Variants in DZIP1L observed in about 807,000 individuals in gnomAD.
The protein encoded by DZIP1L is cilium assembly protein DZIP1L.
Under a neutral mutation model 88.7 loss-of-function variants are expected in DZIP1L, and 90 were observed. That is an observed-to-expected ratio of 1.02 (90% confidence interval 0.86 to 1.21). The LOEUF is 1.21. Among genes scored for constraint, DZIP1L ranks in the 50% most tolerant of loss-of-function variants. The probability of loss-of-function intolerance (pLI) is 0.00; values close to 1 mark genes in which losing one functional copy is unlikely to be tolerated. For synonymous variants in DZIP1L, 363 were observed against 372.1 expected (o/e 0.98, Z 0.28); for missense variants, 932 against 955.8 (o/e 0.98, Z 0.33).
Position 138,079,710 on chromosome 3 carries a change from C to A in DZIP1L, c.1288+857G>T, listed in dbSNP as rs569671806. The stretch of plus-strand genomic sequence containing the variant: ...GCTTCTCACTGCATACCCTTTTATA[C>A]CATTCCTTTTTTTTTCCAAAGTGCA... On this transcript the variant is annotated intron_variant, in intron 10 of 15. Transcript: ENST00000327532. Among the ~76,000 whole-genome samples the A allele has an allele frequency of 2.6e-5, 4 of 152,158 alleles. No individual in the cohort carries two copies. The South Asian group carries it at 8.3e-4, about 32-fold the overall frequency.
At position 138,062,825 on chromosome 3, in the gene DZIP1L, A is replaced by T; in HGVS notation, c.2295T>A (p.Pro765=). ...GPQSSGQPRV[P]AW The stretch of plus-strand genomic sequence containing the variant: ...TAGCTTCTGGGGTGAATCACCAGGC[A>T]GGGACCCTGGGTTGGCCAGAGCTCT... The change falls in exon 16 of 16, where the codon CCT becomes CCA. Residue 765 remains proline (P), a synonymous_variant. Transcript: ENST00000327532. 1.2e-6 allele frequency: 2 copies of T among 1,613,998 alleles called. No homozygotes were observed. Among genetic ancestry groups the T allele is most frequent in the South Asian group, 1.1e-5 (1 of 91,080 alleles).
rs1360295989 is a variant in DZIP1L at position 138,071,826 on chromosome 3, C to T, written c.1432G>A (p.Gly478Arg). The T allele has an allele frequency of 5.0e-6, 8 of 1,612,672 alleles. No homozygotes were observed. The East Asian group carries it at 1.1e-4, about 22-fold the overall frequency. The change falls in exon 12 of 16, where the codon GGA (glycine) becomes AGA (arginine). Residue 478 changes from glycine (G) to arginine (R), a missense_variant. Transcript: ENST00000327532. ...ESMGIRKDAK[G>R]ISIQTLRHLE... ...TGTCTGAGAGTCTGAATCGAGATTC[C>T]CTTTGCATCCTAGAGGAGACAGGAG... is the stretch of plus-strand genomic sequence containing the variant.
At chr3:138,068,964 A>G (rs1943047028) in intron 12 of DZIP1L, 1 of 1,266,682 alleles carries the variant, frequency 7.9e-7, no homozygotes, top group Non-Finnish European at 9.9e-7. Flanking sequence ...CATCACAGGG[A>G]GTCAGACATG....
chr3:138,077,645 A>T lies in DZIP1L; in HGVS notation c.1289-13T>A. 6.2e-7 allele frequency: 1 copy of T among 1,613,660 alleles called. No homozygotes were observed. Among genetic ancestry groups the T allele is most frequent in the South Asian group, 1.1e-5 (1 of 91,064 alleles). ...GAGTCCTCCATCTCTGTAGCATGAG[A>T]CATTCACCCAGATCAGCCTGGGCAC... On this transcript the variant is annotated splice_polypyrimidine_tract_variant and intron_variant, in intron 10 of 15. Coordinates refer to ENST00000327532, the MANE Select transcript of DZIP1L (RefSeq NM_173543.3).
At chr3:138,096,177 G>C (rs1020629513) in intron 3 of DZIP1L, among the ~76,000 whole-genome samples, 1 of 152,084 alleles carries the variant, frequency 6.6e-6, no homozygotes, top group African/African-American at 2.4e-5. Context: ...AGGAGAGCTG[G>C]GCATCTGGGA....
At chr3:138,083,753 T>G (rs1409901224) in intron 8 of DZIP1L, among the ~76,000 whole-genome samples, 3 of 152,224 alleles carry the variant, frequency 2.0e-5, no homozygotes, top group African/African-American at 7.2e-5. Context: ...CTCCAGCTTA[T>G]TTCACCATCT....
In DZIP1L at chr3:138,062,704, T is replaced by A; in HGVS notation, c.*112A>T. 8.2e-7 allele frequency: 1 copy of A among 1,224,132 alleles called. No homozygotes were observed. The highest frequency in any genetic ancestry group is 2.8e-4 in the Middle Eastern group (1 of 3,538). 75.8% of individuals were successfully genotyped at this position (1,224,132 alleles called of 1,614,324 possible). On this transcript the variant is annotated 3_prime_UTR_variant, in exon 16 of 16. Transcript: ENST00000327532. ...CCTGCACTGCTTCTCTCCAAGAGGATGATCTCTTGGTTGTTTGTGAAGACA... is the reference window on the plus strand; with the variant it reads ...CCTGCACTGCTTCTCTCCAAGAGGAAGATCTCTTGGTTGTTTGTGAAGACA...
intron 2 of DZIP1L, chr3:138,102,293 T>C (rs1355199919): frequency 1.1e-5 from 15 of 1,420,128 alleles, no homozygotes; most frequent in Non-Finnish European, 1.5e-5. Context: ...ACTCCAGCTC[T>C]ACCTTATTCA....
At position 138,063,104 on chromosome 3, in the gene DZIP1L, A is replaced by G; in HGVS notation, c.2143-127T>C. The stretch of plus-strand genomic sequence containing the variant: ...ACAAATGCAGACTGGGAAGAAAGCA[A>G]TAGGGAGATGCTACTCCTCCTGACT... On this transcript the variant is annotated intron_variant, in intron 15 of 15. Transcript: ENST00000327532. This position sits in a 1 kb window ranked among gnomAD's most constrained non-coding sequence, Gnocchi z 4.1. 1.1e-5 allele frequency: 11 copies of G among 1,030,840 alleles called. No homozygotes were observed. In the South Asian group the frequency reaches 1.6e-4, roughly 15 times the overall value. 63.9% of individuals were successfully genotyped at this position (1,030,840 alleles called of 1,614,324 possible).
intron 9 of DZIP1L, among the ~76,000 whole-genome samples, chr3:138,080,906 T>G (rs1466830141): frequency 6.6e-6 from 1 of 152,134 alleles, no homozygotes. Context: ...TAGTGAGCCA[T>G]GTAATGAGAT....
chr3:138,067,814 C>CT (rs1942980705), intron 13 of DZIP1L, 114 bp from the exon 14 acceptor site: 3 of 1,238,598 alleles, frequency 2.4e-6, no homozygotes, highest in South Asian at 3.7e-5. Context: ...GCCCTGCTCC[C>CT]TCCCTCAGGC....
rs1328592174 is a variant in DZIP1L, at chr3:138,104,028, G to A, written c.-57C>T. 1.9e-6 allele frequency: 3 copies of A among 1,550,952 alleles called. No homozygotes were observed. The highest frequency in any genetic ancestry group is 2.6e-6 in the Non-Finnish European group (3 of 1,158,820). ...GGAGGGGGGCACCAAGGCCACGGCA[G>A]TAGGCCAAGGAGCTGAGAGAAGGCC... On this transcript the variant is annotated 5_prime_UTR_variant, in exon 2 of 16. Transcript: ENST00000327532.
rs752183027 is a variant in DZIP1L, at chr3:138,097,899, C to A, written c.502-52G>T. 92 of 1,522,240 alleles carry A rather than the reference C, an allele frequency of 6.0e-5. No individual in the cohort carries two copies. In the Admixed American group the frequency reaches 1.6e-3, roughly 27 times the overall value. The allele number at this position is 1,522,240 out of a possible 1,614,324, so 94.3% of individuals were successfully genotyped here. ...TACAAGATTAGGTCACCTGAGTCAG[C>A]CTGGGATTTTCCCTATATCAAAGCC... On this transcript the variant is annotated intron_variant, in intron 2 of 15. Coordinates refer to ENST00000327532, the MANE Select transcript of DZIP1L (RefSeq NM_173543.3).
chr3:138,081,852 G>A (rs1042371472), intron 8 of DZIP1L, 88 bp from the exon 9 acceptor site: 6 of 1,398,210 alleles, frequency 4.3e-6, no homozygotes, highest in South Asian at 2.6e-5. Context: ...AGCACAGTGA[G>A]GAAGGGATGG....
intron 5 of DZIP1L, among the ~76,000 whole-genome samples, chr3:138,089,434 A>G (rs1457940447): frequency 6.6e-6 from 1 of 152,216 alleles, no homozygotes; most frequent in Non-Finnish European, 1.5e-5. Context: ...CTCCCTTGGC[A>G]TCTCAATTTA....
At chr3:138,100,677 A>C (rs889688958) in intron 2 of DZIP1L, among the ~76,000 whole-genome samples, 1 of 152,232 alleles carries the variant, frequency 6.6e-6, no homozygotes, top group African/African-American at 2.4e-5. Context: ...GGTTGGTGTG[A>C]GGAAGAAAAA....
chr3:138,114,697 T>C (rs2042665069), intron 1 of DZIP1L, among the ~76,000 whole-genome samples: 1 of 151,976 alleles, frequency 6.6e-6, no homozygotes, highest in East Asian at 1.9e-4. Flanking sequence ...CCTGGGCCCC[T>C]AGGAAGTGCT....
chr3:138,102,659 T>C (rs1325782121), intron 2 of DZIP1L: 52 of 1,320,566 alleles, frequency 3.9e-5, no homozygotes, highest in Non-Finnish European at 4.7e-5. Context: ...TGGGTGCACA[T>C]GGCCTGAATG....
intron 1 of DZIP1L, 67 bp from the exon 2 acceptor site, chr3:138,104,119 C>T: frequency 7.1e-7 from 1 of 1,415,586 alleles, no homozygotes; most frequent in African/African-American, 1.4e-5. Context: ...TATATCTGGC[C>T]AGCAAGGGCC....
Sources: gnomAD v4.1 joint callset for allele counts (sites outside exome capture counted in the v4.1 genomes callset) on GRCh38, gnomAD v4.1.1 for gene constraint, Gnocchi (gnomAD v3.1) non-coding constraint, MANE v1.5 for transcripts, NCBI Gene and HGNC (gene_info 2026-07-23, HGNC 2026-07-21) for gene names.